AMOTL1: variants seen among roughly 807,000 people sequenced by gnomAD.
AMOTL1 encodes angiomotin like 1.
AMOTL1 carries 45 observed loss-of-function variants against 102.9 expected under a neutral mutation model. The ratio of observed to expected loss-of-function variants is 0.44; its 90% CI spans 0.34 to 0.56. The LOEUF (loss-of-function observed/expected upper bound fraction) is 0.56. Ranked by LOEUF, AMOTL1 falls within the 20% of genes least tolerant of loss-of-function variation. The pLI, the probability that AMOTL1 is intolerant of heterozygous loss-of-function variation, is 0.01. For missense variants in AMOTL1, 1,114 were observed against 1,225.6 expected, an observed-to-expected ratio of 0.91 and a Z score of 1.36; for synonymous variants, 481 against 484.7, an observed-to-expected ratio of 0.99 and a Z score of 0.10.
chr11:94,866,561 C>CAG (rs1378927569), intron 11 of AMOTL1: 1 of 228,826 alleles, frequency 4.4e-6, no homozygotes, highest in Admixed American at 5.2e-5. Flanking sequence ...ACAGTGTCTG[C>CAG]CTGCTTTACC....
Position 94,730,446 on chromosome 11 carries a change from C to T in AMOTL1, c.85+1391C>T, listed in dbSNP as rs867472413. Among the ~76,000 whole-genome samples the T allele has an allele frequency of 2.0e-5, 3 of 152,306 alleles. No homozygotes were observed. In the South Asian group the frequency reaches 6.2e-4, roughly 32 times the overall value. ...CCTGCCACCACCTCCTACCAACCCC[C>T]ATCCTGGTCTGAAGGAGAGTCTCTC... On this transcript the variant is annotated intron_variant, in intron 2 of 4. Coordinates refer to the AMOTL1 transcript ENST00000299004.
rs553205361 is a variant in AMOTL1 at position 94,871,441 on chromosome 11, G to A, written c.*646G>A. On this transcript the variant is annotated 3_prime_UTR_variant, in exon 13 of 13. Transcript: ENST00000433060. Reference sequence around the variant, plus strand: ...CTAAACAGGATAGATTATGATCTCGGTCCCCATCCATCCTAACTTCTGAGT... The same window carrying A: ...CTAAACAGGATAGATTATGATCTCGATCCCCATCCATCCTAACTTCTGAGT... 1 of 152,264 alleles carries A rather than the reference G, an allele frequency of 6.6e-6. No homozygotes were observed. The highest frequency in any genetic ancestry group is 2.4e-5 in the African/African-American group (1 of 41,560). 9.4% of individuals were successfully genotyped at this position (152,264 alleles called of 1,614,324 possible). A position where few individuals can be genotyped will look rare whatever the true frequency, so the allele number is the denominator to read the frequency against.
intron 3 of AMOTL1, among the ~76,000 whole-genome samples, chr11:94,813,173 C>T (rs1699752730): frequency 6.6e-6 from 1 of 152,202 alleles, no homozygotes; most frequent in Admixed American, 6.5e-5. Context: ...CTCTGAATGC[C>T]AACTCCTAAC....
At chr11:94,821,934 C>G (rs59595558) in intron 4 of AMOTL1, 113 bp downstream of exon 4, 1 of 1,360,760 alleles carries the variant, frequency 7.3e-7, no homozygotes, top group Non-Finnish European at 1.0e-6. Flanking sequence ...TATACTAGGC[C>G]CTGTGCAAGG....
chr11:94,720,751 A>C (rs938508460), intron 1 of AMOTL1, among the ~76,000 whole-genome samples: 8 of 152,096 alleles, frequency 5.3e-5, no homozygotes, highest in African/African-American at 9.7e-5. Context: ...GAGATTTTCC[A>C]CACGAGGTGA....
At chr11:94,869,095 G>A in intron 11 of AMOTL1, 103 bp from the exon 12 acceptor site, 1 of 1,306,026 alleles carries the variant, frequency 7.7e-7, no homozygotes, top group Non-Finnish European at 1.0e-6. Context: ...ATCAATGAAT[G>A]AATGAAGCAA....
intron 3 of AMOTL1, among the ~76,000 whole-genome samples, chr11:94,755,195 C>T (rs1950706279): frequency 6.6e-6 from 1 of 152,200 alleles, no homozygotes; most frequent in Admixed American, 6.5e-5. Flanking sequence ...GGATTTGATG[C>T]GTGCTTCACT....
chr11:94,859,515 A>C lies in AMOTL1; in HGVS notation c.1945-10A>C. ...TTTTGAGCATCAAGATTTTTTTTCT[A>C]CTCCTTCAGAAACATGGAAATGGCC... On this transcript the variant is annotated splice_polypyrimidine_tract_variant and intron_variant, in intron 8 of 12. Transcript: ENST00000433060. The C allele has an allele frequency of 6.2e-7, 1 of 1,602,400 alleles. No individual in the cohort carries two copies. Among genetic ancestry groups the C allele is most frequent in the Non-Finnish European group, 8.5e-7 (1 of 1,174,222 alleles).
At chr11:94,791,332 G>A in intron 1 of AMOTL1, among the ~76,000 whole-genome samples, 1 of 152,166 alleles carries the variant, frequency 6.6e-6, no homozygotes, top group Non-Finnish European at 1.5e-5. Flanking sequence ...CAGGTTAAGG[G>A]CCCTAGGCAC....
chr11:94,739,782 C>G (rs986400314), intron 2 of AMOTL1, among the ~76,000 whole-genome samples: 1 of 152,182 alleles, frequency 6.6e-6, no homozygotes, highest in Non-Finnish European at 1.5e-5. Flanking sequence ...ACCCTCGCCC[C>G]CTTAATGCAG....
chr11:94,846,085 C>T (rs1282180149), intron 6 of AMOTL1, among the ~76,000 whole-genome samples: 2 of 152,192 alleles, frequency 1.3e-5, no homozygotes, highest in Non-Finnish European at 2.9e-5. Flanking sequence ...GAGTCTGATA[C>T]ACTTCATGGT....
chr11:94,828,249 C>T (rs1195672993), intron 4 of AMOTL1, among the ~76,000 whole-genome samples: 1 of 152,100 alleles, frequency 6.6e-6, no homozygotes, highest in Non-Finnish European at 1.5e-5. Flanking sequence ...CTGTCTGCAC[C>T]CAGTCACCAA....
Position 94,873,585 on chromosome 11 carries a change from C to G in AMOTL1, c.*2790C>G, listed in dbSNP as rs908317394. The G allele has an allele frequency of 6.6e-6, 1 of 152,228 alleles. No individual in the cohort carries two copies. Among genetic ancestry groups the G allele is most frequent in the Non-Finnish European group, 1.5e-5 (1 of 68,032 alleles). 9.4% of individuals were successfully genotyped at this position (152,228 alleles called of 1,614,324 possible). A position where few individuals can be genotyped will look rare whatever the true frequency, so the allele number is the denominator to read the frequency against. On this transcript the variant is annotated 3_prime_UTR_variant, in exon 13 of 13. Coordinates refer to ENST00000433060, the MANE Select transcript of AMOTL1 (RefSeq NM_130847.3). The stretch of plus-strand genomic sequence containing the variant: ...GGGGGTGCGTTTATTATTCTGATTT[C>G]ACTGATGAGGAAATGGGCTCAGAAA...
Position 94,869,354 on chromosome 11 carries a change from G to T in AMOTL1, c.2645G>T (p.Ser882Ile). 6.2e-7 allele frequency: 1 copy of T among 1,611,090 alleles called. No individual in the cohort carries two copies. The highest frequency in any genetic ancestry group is 8.5e-7 in the Non-Finnish European group (1 of 1,178,748). The change falls in exon 12 of 13, where the codon AGT becomes ATT. Residue 882 changes from serine (S) to isoleucine (I), a missense_variant. Transcript: ENST00000433060. Reference sequence around the variant, plus strand: ...GACAGCAGCACACAGACTGACAAGAGTGCCGAGCTCTTCTGGCCCAGCATG... The same window carrying T: ...GACAGCAGCACACAGACTGACAAGATTGCCGAGCTCTTCTGGCCCAGCATG... ...SKDSSTQTDKSAELFWPSMAS... is the reference protein window; with the variant it reads ...SKDSSTQTDKIAELFWPSMAS...
At position 94,795,084 on chromosome 11, in the gene AMOTL1, C is replaced by CT. The variant is rs768568477; in HGVS notation, c.126dup (p.Gln43SerfsTer8). 1 of 1,613,916 alleles carries CT rather than the reference C, an allele frequency of 6.2e-7. No homozygotes were observed. The highest frequency in any genetic ancestry group is 2.2e-5 in the East Asian group (1 of 44,866). On this transcript the variant is annotated frameshift_variant, in exon 2 of 13. Transcript: ENST00000433060. LOFTEE classifies it high-confidence loss of function. The stretch of plus-strand genomic sequence containing the variant: ...AAGACTCCACCTACTTTTCCCCAGA[C>CT]TTTCAGCTCTATTCTGGGAGGCATG...
chr11:94,767,613 C>T (rs1040311477), upstream of AMOTL1, among the ~76,000 whole-genome samples: 3 of 152,202 alleles, frequency 2.0e-5, no homozygotes, highest in African/African-American at 4.8e-5. Flanking sequence ...TGCTATGGGG[C>T]AGGCTCGGGC....
intron 2 of AMOTL1, among the ~76,000 whole-genome samples, chr11:94,795,541 G>T (rs1439207861): frequency 1.3e-5 from 2 of 152,068 alleles, no homozygotes; most frequent in African/African-American, 2.4e-5. Flanking sequence ...GAAGTTAAAA[G>T]AAGTAATTCA....
intron 1 of AMOTL1, among the ~76,000 whole-genome samples, chr11:94,780,896 G>C (rs1219478917): frequency 1.3e-5 from 2 of 152,080 alleles, no homozygotes; most frequent in African/African-American, 4.8e-5. Flanking sequence ...AGAAAGTATG[G>C]CATGTCCTTT....
intron 6 of AMOTL1, among the ~76,000 whole-genome samples, chr11:94,845,915 C>T (rs1343740339): frequency 3.3e-5 from 5 of 152,166 alleles, no homozygotes; most frequent in Admixed American, 6.5e-5. Flanking sequence ...TAGGAATTCT[C>T]AGTATATATA....
Sources: allele counts gnomAD v4.1 joint callset (sites outside exome capture counted in the v4.1 genomes callset), GRCh38; gene constraint gnomAD v4.1.1; transcripts MANE v1.5; gene names NCBI Gene and HGNC (gene_info 2026-07-23, HGNC 2026-07-21).